Variants in STXBP4 observed in about 807,000 individuals in gnomAD.
STXBP4 encodes syntaxin-binding protein 4.
In STXBP4, 55 loss-of-function variants were observed where a neutral mutation model predicts 76.1. The observed-to-expected ratio is 0.72, with a 90% CI of 0.58 to 0.91. The LOEUF is 0.91. Ranked by LOEUF, STXBP4 falls within the 40% of genes least tolerant of loss-of-function variation. STXBP4 has a pLI of 0.00. For missense variants in STXBP4, 618 were observed against 636.9 expected (o/e 0.97, Z 0.32); for synonymous variants, 201 against 220.2 (o/e 0.91, Z 0.77).
In STXBP4 at chr17:55,078,163, C is replaced by A. The variant is rs200465955; in HGVS notation, c.1274C>A (p.Ala425Glu). ...KSEMARKTFE[A>E]STEKLLHFVE... ...GAAATGGCTCGAAAAACTTTTGAGG[C>A]ATCCACTGAAAAGCTTCTTCATTTT... The change falls in exon 14 of 18, where the codon GCA becomes GAA. Residue 425 changes from alanine to glutamate, a missense_variant. Physicochemically the swap from Ala to Glu is moderately radical, Grantham distance 107. Transcript: ENST00000376352. The A allele has an allele frequency of 6.2e-7, 1 of 1,611,462 alleles. No homozygotes were observed. Among genetic ancestry groups the A allele is most frequent in the Non-Finnish European group, 8.5e-7 (1 of 1,178,806 alleles).
At chr17:55,031,106 A>G (rs1598233681) in intron 8 of STXBP4, 62 bp from the exon 9 acceptor site, 1 of 1,284,282 alleles carries the variant, frequency 7.8e-7, no homozygotes, top group Non-Finnish European at 1.1e-6. Context: ...AAAGTTTGTA[A>G]TGAAAAGTTT....
intron 16 of STXBP4, among the ~76,000 whole-genome samples, chr17:55,103,136 T>C (rs955398423): frequency 1.8e-4 from 28 of 152,334 alleles, no homozygotes; most frequent in African/African-American, 6.5e-4. Context: ...TTAGTTTAAT[T>C]AGATTCCATT....
chr17:55,044,938 A>G (rs2078765476), intron 11 of STXBP4, among the ~76,000 whole-genome samples: 1 of 151,984 alleles, frequency 6.6e-6, no homozygotes, highest in African/African-American at 2.4e-5. Context: ...ATTCTTTTCA[A>G]TAACTGTCCT....
At chr17:55,035,062 T>C (rs1327527035) in intron 10 of STXBP4, among the ~76,000 whole-genome samples, 5 of 152,002 alleles carry the variant, frequency 3.3e-5, no homozygotes, top group Non-Finnish European at 7.4e-5. Flanking sequence ...CCATCATTTA[T>C]TTAAAAACCC....
chr17:55,010,981 C>T (rs1031823611), intron 8 of STXBP4, among the ~76,000 whole-genome samples: 4 of 152,272 alleles, frequency 2.6e-5, no homozygotes, highest in Admixed American at 1.3e-4. Context: ...TTTCCCCATA[C>T]ATATTCTGCT....
chr17:54,995,610 G>A (rs556054934), intron 4 of STXBP4, among the ~76,000 whole-genome samples: 17 of 152,226 alleles, frequency 1.1e-4, no homozygotes, highest in Admixed American at 1.1e-3. Flanking sequence ...GTAATTTGTG[G>A]CATTGAAGTA....
At chr17:55,047,356 A>G (rs576276000) in intron 12 of STXBP4, among the ~76,000 whole-genome samples, 176 of 152,054 alleles carry the variant, frequency 1.2e-3, no homozygotes, top group African/African-American at 3.8e-3. Context: ...AAGTCTTGCT[A>G]CTATTGCTCA....
intron 17 of STXBP4, among the ~76,000 whole-genome samples, chr17:55,145,050 C>T (rs1230382566): frequency 2.0e-5 from 3 of 152,214 alleles, no homozygotes; most frequent in African/African-American, 7.2e-5. Context: ...CTTGCTTTCA[C>T]ATTTTGGTGG....
At chr17:55,190,611 TA>T in the STXBP4 span, among the ~76,000 whole-genome samples, 1 of 152,058 alleles carries the variant, frequency 6.6e-6, no homozygotes, top group African/African-American at 2.4e-5. Context: ...AATAATATCA[TA>T]AATAAAGGGT....
In STXBP4 at chr17:55,153,851, T is replaced by C. The variant is rs1367538255; in HGVS notation, c.1548-5946T>C. Among the ~76,000 whole-genome samples the C allele has an allele frequency of 3.9e-5, 6 of 152,354 alleles. 1 individual carries two copies. In the East Asian group the frequency reaches 1.2e-3, roughly 29 times the overall value. Reference sequence around the variant, plus strand: ...ATCTGTATTCTGACAGTCTTGATTATTGATATTTAAAGTAGCATAAAAATA... The same window carrying C: ...ATCTGTATTCTGACAGTCTTGATTACTGATATTTAAAGTAGCATAAAAATA... On this transcript the variant is annotated intron_variant, in intron 17 of 17. Transcript: ENST00000376352.
chr17:55,145,611 T>G (rs1043156947), intron 17 of STXBP4, among the ~76,000 whole-genome samples: 4 of 152,196 alleles, frequency 2.6e-5, no homozygotes, highest in Non-Finnish European at 5.9e-5. Flanking sequence ...GTCATCTACT[T>G]AAATTCTGAT....
At chr17:55,175,983 G>C (rs2080428766), downstream of STXBP4, among the ~76,000 whole-genome samples, 1 of 152,196 alleles carries the variant, frequency 6.6e-6, no homozygotes, top group African/African-American at 2.4e-5. Flanking sequence ...CTGAGAGGCA[G>C]GTGGGGAATA....
chr17:55,032,827 T>C (rs2078533032), intron 9 of STXBP4, among the ~76,000 whole-genome samples: 2 of 152,118 alleles, frequency 1.3e-5, no homozygotes, highest in South Asian at 4.1e-4. Context: ...GTATTCTCTC[T>C]GAAGAAGCTG....
the STXBP4 span, among the ~76,000 whole-genome samples, chr17:55,191,845 C>A: frequency 6.6e-6 from 1 of 152,108 alleles, no homozygotes; most frequent in Admixed American, 6.5e-5. Context: ...ACAAGGCTTC[C>A]CCCAATTTCA....
intron 16 of STXBP4, among the ~76,000 whole-genome samples, chr17:55,083,595 G>C (rs1212712159): frequency 6.6e-6 from 1 of 152,122 alleles, no homozygotes; most frequent in Non-Finnish European, 1.5e-5. Flanking sequence ...GCTCATGTTA[G>C]AGCACTCTCA....
At chr17:55,007,049 G>T (rs2078021740) in intron 7 of STXBP4, among the ~76,000 whole-genome samples, 3 of 152,050 alleles carry the variant, frequency 2.0e-5, no homozygotes, top group African/African-American at 7.2e-5. Context: ...AAAAAATTAT[G>T]AAAACTTGCC....
At chr17:55,134,431 T>A (rs2080006215) in intron 16 of STXBP4, among the ~76,000 whole-genome samples, 1 of 152,110 alleles carries the variant, frequency 6.6e-6, no homozygotes, top group South Asian at 2.1e-4. Flanking sequence ...AAAAAATGCT[T>A]TACTGTAAAA....
Position 55,031,318 on chromosome 17 carries a change from T to C in STXBP4, c.763+54T>C, listed in dbSNP as rs2078506353. 8.9e-6 allele frequency: 12 copies of C among 1,341,886 alleles called. No homozygotes were observed. The South Asian group carries it at 1.2e-4, about 14-fold the overall frequency. The allele number at this position is 1,341,886 out of a possible 1,614,324, so 83.1% of individuals were successfully genotyped here. A position where few individuals can be genotyped will look rare whatever the true frequency, so the allele number is the denominator to read the frequency against. ...TCACTGAATCATCATTCAAGAGTTA[T>C]GGTGACACATTTTCATTAAGAGTGT... On this transcript the variant is annotated intron_variant, in intron 9 of 17. Transcript: ENST00000376352.
At chr17:55,200,078 C>A in the STXBP4 span, among the ~76,000 whole-genome samples, 1 of 152,184 alleles carries the variant, frequency 6.6e-6, no homozygotes, top group East Asian at 1.9e-4. Context: ...GTTGCACTGA[C>A]CACAGTTTGT....
Sources: gnomAD v4.1 joint callset for allele counts (sites outside exome capture counted in the v4.1 genomes callset) on GRCh38, gnomAD v4.1.1 for gene constraint, MANE v1.5 for transcripts, NCBI Gene and HGNC (gene_info 2026-07-23, HGNC 2026-07-21) for gene names.